SLC9C1: variants seen among roughly 807,000 people sequenced by gnomAD.
SLC9C1 encodes the protein solute carrier family 9 member C1, also known as sodium/hydrogen exchanger 10.
Under a neutral mutation model 140.9 loss-of-function variants are expected in SLC9C1, and 97 were observed. The observed-to-expected ratio is 0.69, with a 90% confidence interval of 0.58 to 0.82. The LOEUF is 0.82. Among genes scored for constraint, SLC9C1 ranks in the 40% least tolerant of loss-of-function variants. The pLI, the probability that SLC9C1 is intolerant of heterozygous loss-of-function variation, is 0.00. For missense variants in SLC9C1, 1,340 were observed against 1,389.3 expected (o/e 0.96, Z 0.56); for synonymous variants, 440 against 442.6 (o/e 0.99, Z 0.07).
At chr3:112,269,130 G>A (rs975413579) in intron 7 of SLC9C1, among the ~76,000 whole-genome samples, 3 of 152,152 alleles carry the variant, frequency 2.0e-5, no homozygotes, top group South Asian at 4.1e-4. Context: ...CCGCCTTTTT[G>A]TTAGAGAGAC....
chr3:112,172,507 G>A (rs913990868), intron 23 of SLC9C1, among the ~76,000 whole-genome samples: 1 of 151,956 alleles, frequency 6.6e-6, no homozygotes, highest in Non-Finnish European at 1.5e-5. Flanking sequence ...GACAATTTTA[G>A]TGCTTTCTTT....
chr3:112,256,162 G>A (rs938252363), intron 10 of SLC9C1, among the ~76,000 whole-genome samples: 2 of 152,014 alleles, frequency 1.3e-5, no homozygotes, highest in African/African-American at 4.8e-5. Context: ...AGAAGAGTTG[G>A]TACCATTTCT....
chr3:112,196,901 T>A (rs1444639691), intron 20 of SLC9C1, among the ~76,000 whole-genome samples: 3 of 152,136 alleles, frequency 2.0e-5, no homozygotes, highest in Non-Finnish European at 4.4e-5. Context: ...TCTGTTGTTT[T>A]ATTTTTTTCT....
Position 112,199,335 on chromosome 3 carries a change from C to A in SLC9C1, c.2509G>T (p.Ala837Ser), listed in dbSNP as rs1189294094. Residue 837 changes from alanine to serine, a missense_variant, in exon 20 of 29, where the codon GCT becomes TCT. By Grantham distance (99) the Ala-to-Ser change is moderately conservative (BLOSUM62 1). Transcript: ENST00000305815. The part of the protein sequence containing the change: ...LKGIISKTEG[A>S]GINKLIMAKK... Reference sequence around the variant, plus strand: ...TTTTGCCTTACCTTATTAATTCCAGCACCTTCAGTTTTACTAATAATTCCT... The same window carrying A: ...TTTTGCCTTACCTTATTAATTCCAGAACCTTCAGTTTTACTAATAATTCCT... 2 of 1,571,816 alleles carry A rather than the reference C, an allele frequency of 1.3e-6. No individual in the cohort carries two copies. Among genetic ancestry groups the A allele is most frequent in the Non-Finnish European group, 1.7e-6 (2 of 1,162,926 alleles).
chr3:112,230,348 G>C (rs2078787987), intron 13 of SLC9C1, among the ~76,000 whole-genome samples: 1 of 152,068 alleles, frequency 6.6e-6, no homozygotes, highest in Non-Finnish European at 1.5e-5. Context: ...CCATGGCCTT[G>C]GAGCATCAGA....
chr3:112,271,050 T>G (rs2108316598), intron 6 of SLC9C1, among the ~76,000 whole-genome samples: 1 of 152,258 alleles, frequency 6.6e-6, no homozygotes, highest in Middle Eastern at 3.4e-3. Context: ...GACATTATGC[T>G]AAGTGAAATA....
At chr3:112,167,956 AT>A (rs1350903024) in intron 25 of SLC9C1, among the ~76,000 whole-genome samples, 2 of 152,078 alleles carry the variant, frequency 1.3e-5, no homozygotes, top group Admixed American at 1.3e-4. Context: ...CTCATTAAGC[AT>A]TATGTCAGTG....
At chr3:112,149,450 A>C (rs1362157591) in intron 28 of SLC9C1, among the ~76,000 whole-genome samples, 1 of 150,832 alleles carries the variant, frequency 6.6e-6, no homozygotes, top group Non-Finnish European at 1.5e-5. Context: ...GATCTGCCTA[A>C]GTGTGGAGTA....
chr3:112,267,377 C>A (rs1398731578), intron 7 of SLC9C1, among the ~76,000 whole-genome samples: 2 of 151,708 alleles, frequency 1.3e-5, no homozygotes, highest in Non-Finnish European at 2.9e-5. Flanking sequence ...GAGATTGAGA[C>A]CCTCCTGGCT....
chr3:112,210,028 A>G (rs1576347568), intron 15 of SLC9C1, among the ~76,000 whole-genome samples: 1 of 152,232 alleles, frequency 6.6e-6, no homozygotes, highest in African/African-American at 2.4e-5. Flanking sequence ...ACTAGTTACA[A>G]CAATCTTGAA....
chr3:112,223,498 A>G (rs1471527617), intron 13 of SLC9C1, among the ~76,000 whole-genome samples: 3 of 152,216 alleles, frequency 2.0e-5, no homozygotes, highest in Non-Finnish European at 4.4e-5. Context: ...TTAGAAAGTT[A>G]TAGAGTATTA....
In SLC9C1 at chr3:112,167,120, A is replaced by G. The variant is rs28454836; in HGVS notation, c.3364+101T>C. 2,709 of 1,344,964 alleles carry G rather than the reference A, an allele frequency of 2.0e-3. 45 individuals are homozygous for G. In the African/African-American group the frequency reaches 0.033, roughly 17 times the overall value. The allele number at this position is 1,344,964 out of a possible 1,614,324, so 83.3% of individuals were successfully genotyped here. On this transcript the variant is annotated intron_variant, in intron 26 of 28. Transcript: ENST00000305815. ...ATATGGCAGTTAAAAGGATTCCTCA[A>G]TATATTAGGCAGAATGCAAACAACA...
At chr3:112,167,524 A>T (rs1186734179) in intron 25 of SLC9C1, among the ~76,000 whole-genome samples, 177 bp from the exon 26 acceptor site, 1 of 152,162 alleles carries the variant, frequency 6.6e-6, no homozygotes, top group Admixed American at 6.5e-5. Context: ...GTTTTGTAAA[A>T]GTCACTATTC....
chr3:112,236,295 T>A (rs142511769), intron 12 of SLC9C1, among the ~76,000 whole-genome samples: 8 of 152,216 alleles, frequency 5.3e-5, no homozygotes, highest in African/African-American at 1.9e-4. Context: ...AGTTTGTATT[T>A]CTGTGGGAGT....
At chr3:112,205,933 T>C (rs2078034953) in intron 16 of SLC9C1, among the ~76,000 whole-genome samples, 3 of 104,348 alleles carry the variant, frequency 2.9e-5, no homozygotes, top group South Asian at 4.8e-4. Flanking sequence ...ATTCAGGACA[T>C]AGGCATGGGC....
At chr3:112,283,523 A>G (rs1559752403) in intron 2 of SLC9C1, among the ~76,000 whole-genome samples, 2 of 151,970 alleles carry the variant, frequency 1.3e-5, no homozygotes, top group African/African-American at 4.8e-5. Context: ...GCAAATCCTA[A>G]TTTGAAGAAT....
chr3:112,215,395 A>G (rs1372885346), intron 15 of SLC9C1, among the ~76,000 whole-genome samples: 3 of 152,180 alleles, frequency 2.0e-5, no homozygotes, highest in Admixed American at 6.5e-5. Flanking sequence ...AGGGTAGTCA[A>G]TTAGGAAAAG....
chr3:112,214,554 A>G (rs921906367), intron 15 of SLC9C1, among the ~76,000 whole-genome samples: 8 of 152,208 alleles, frequency 5.3e-5, no homozygotes, highest in Non-Finnish European at 8.8e-5. Context: ...TAGAAATACA[A>G]ACTACCCTCA....
At chr3:112,155,102 A>C in intron 26 of SLC9C1, 53 bp from the exon 27 acceptor site, 1 of 1,469,150 alleles carries the variant, frequency 6.8e-7, no homozygotes, top group East Asian at 2.3e-5. Context: ...GCAAGTGACT[A>C]TTTCTATTAG....
Sources: gnomAD v4.1 joint callset for allele counts (sites outside exome capture counted in the v4.1 genomes callset) on GRCh38, gnomAD v4.1.1 for gene constraint, MANE v1.5 for transcripts, NCBI Gene and HGNC (gene_info 2026-07-23, HGNC 2026-07-21) for gene names.